Variants in RTL9 observed in about 807,000 individuals in gnomAD.
RTL9 encodes the protein retrotransposon Gag-like protein 9.
In RTL9, 19 loss-of-function variants were observed where a neutral mutation model predicts 44.7. That is an observed-to-expected ratio of 0.42 (90% confidence interval 0.30 to 0.62). The LOEUF is 0.62. Among genes scored for constraint, RTL9 ranks in the 20% least tolerant of loss-of-function variants. RTL9 has a pLI of 0.16. For synonymous variants in RTL9, 407 were observed against 398.9 expected, an observed-to-expected ratio of 1.02 and a Z score of -0.24; for missense variants, 1,105 against 1,080.6, an observed-to-expected ratio of 1.02 and a Z score of -0.32.
intron 1 of RTL9, among the ~76,000 whole-genome samples, chrX:110,396,440 C>T (rs1569421669): frequency 9.0e-6 from 1 of 111,441 alleles, no homozygotes; most frequent in Admixed American, 9.5e-5. Flanking sequence ...ATTATTATCC[C>T]CCCCATCGCC....
rs768421480 is a variant in RTL9 at position 110,439,521 on chromosome X, C to A, written c.-167-5632C>A. Among the ~76,000 whole-genome samples the A allele has an allele frequency of 7.1e-5, 8 of 112,090 alleles. No homozygotes were observed. The South Asian group carries it at 3.0e-3, about 42-fold the overall frequency. On this transcript the variant is annotated intron_variant, in intron 1 of 3. Coordinates refer to the RTL9 transcript ENST00000465301. ...TGGAGAAGCCAGCAGGGGCTGTGCT[C>A]ACAATAATAGCTGTGGTTGCATTTA...
chrX:110,414,593 C>T (rs757173227), upstream of RTL9, among the ~76,000 whole-genome samples: 1 of 113,111 alleles, frequency 8.8e-6, no homozygotes, highest in Non-Finnish European at 1.9e-5. Flanking sequence ...TTAAGTCACT[C>T]ACTAACGTGA....
rs1030451271 is a variant in RTL9, at chrX:110,361,146, C to G, written c.-168+2230C>G. Among the ~76,000 whole-genome samples the G allele has an allele frequency of 3.6e-5, 4 of 111,070 alleles. No homozygotes were observed. The East Asian group carries it at 1.1e-3, about 31-fold the overall frequency. The stretch of plus-strand genomic sequence containing the variant: ...AAACCTGCTGCACTCACAAAACCTG[C>G]TCCTCACAGTCTTCCCCGTCTCCCT... On this transcript the variant is annotated intron_variant, in intron 1 of 2. Transcript: ENST00000520821.
chrX:110,450,294 A>T (rs1386716616), upstream of RTL9, among the ~76,000 whole-genome samples: 1 of 111,344 alleles, frequency 9.0e-6, no homozygotes, highest in Non-Finnish European at 1.9e-5. Context: ...TTGAGTCAGG[A>T]CTGCCCAGGC....
chrX:110,431,952 A>T (rs1005986507), intron 1 of RTL9, among the ~76,000 whole-genome samples: 4 of 112,120 alleles, frequency 3.6e-5, no homozygotes, highest in Admixed American at 2.8e-4. Flanking sequence ...AGCAGAGGAA[A>T]GGGCTCATGG....
intron 1 of RTL9, among the ~76,000 whole-genome samples, chrX:110,438,053 T>A (rs2068852035): frequency 9.0e-6 from 1 of 111,666 alleles, no homozygotes; most frequent in Admixed American, 9.5e-5. Flanking sequence ...AAGAATAGAA[T>A]CTTCCCTTTC....
At chrX:110,389,267 A>G (rs746833186) in intron 1 of RTL9, among the ~76,000 whole-genome samples, 1 of 112,776 alleles carries the variant, frequency 8.9e-6, no homozygotes, top group African/African-American at 3.2e-5. Context: ...TTGACCAAAG[A>G]TCCTTCGTTA....
chrX:110,451,714 C>G (rs767811139), exon 1 of RTL9: 24 of 1,209,724 alleles, frequency 2.0e-5, no homozygotes, highest in Non-Finnish European at 2.7e-5. Flanking sequence ...ACGATGCCAG[C>G]CCCAGGCTCT....
chrX:110,437,350 C>G (rs1177944215), intron 1 of RTL9, among the ~76,000 whole-genome samples: 1 of 112,246 alleles, frequency 8.9e-6, no homozygotes, highest in African/African-American at 3.2e-5. Flanking sequence ...TTGTACTGGA[C>G]ACTGTACTGG....
intron 1 of RTL9, among the ~76,000 whole-genome samples, chrX:110,366,080 T>C (rs1276415140): frequency 2.7e-5 from 3 of 111,631 alleles, no homozygotes; most frequent in Non-Finnish European, 5.6e-5. Context: ...CATGTGTTGG[T>C]TCCTGCCATG....
At chrX:110,452,333 T>C in exon 1 of RTL9, 1 of 1,212,011 alleles carries the variant, frequency 8.3e-7, no homozygotes, top group Non-Finnish European at 1.1e-6. Context: ...CCATGACTTC[T>C]GGAGCAATGT....
intron 1 of RTL9, among the ~76,000 whole-genome samples, chrX:110,402,480 A>G (rs1431130606): frequency 8.9e-6 from 1 of 112,798 alleles, no homozygotes; most frequent in Non-Finnish European, 1.9e-5. Flanking sequence ...TCCCCACGGA[A>G]GAGGAAGGCT....
intron 1 of RTL9, among the ~76,000 whole-genome samples, chrX:110,363,829 C>T (rs957355263): frequency 9.0e-6 from 1 of 111,577 alleles, no homozygotes; most frequent in South Asian, 3.8e-4. Flanking sequence ...AAACACTTTA[C>T]ATAAATTATC....
At chrX:110,373,678 T>C (rs1371232506) in intron 1 of RTL9, among the ~76,000 whole-genome samples, 1 of 112,492 alleles carries the variant, frequency 8.9e-6, no homozygotes, top group African/African-American at 3.2e-5. Context: ...TTTCTCATCT[T>C]TTTGTAGCCC....
At chrX:110,418,254 A>AT (rs1314082077), upstream of RTL9, among the ~76,000 whole-genome samples, 7 of 112,253 alleles carry the variant, frequency 6.2e-5, no homozygotes, top group Non-Finnish European at 1.3e-4. Flanking sequence ...TGAGGTTCTT[A>AT]TTTTTTTAAT....
exon 1 of RTL9, chrX:110,450,943 A>G: frequency 1.7e-6 from 2 of 1,211,193 alleles, no homozygotes; most frequent in Non-Finnish European, 2.2e-6. Context: ...CCAGCCTCAG[A>G]CTCTGGGGCA....
At position 110,387,046 on chromosome X, in the gene RTL9, G is replaced by A. The variant is rs759932491; in HGVS notation, c.-168+28130G>A. Among the ~76,000 whole-genome samples the A allele has an allele frequency of 7.1e-5, 8 of 112,495 alleles. No homozygotes were observed. The East Asian group carries it at 1.1e-3, about 16-fold the overall frequency. On this transcript the variant is annotated intron_variant, in intron 1 of 2. Transcript: ENST00000520821. ...GAGGGAGAAAGCACTTGGGGCTGAG[G>A]TGGTCAGGGGAAGCTTTAAGGAGAA...
At chrX:110,452,432 A>G (rs764052989) in exon 1 of RTL9, 3 of 1,209,839 alleles carry the variant, frequency 2.5e-6, no homozygotes, top group African/African-American at 1.8e-5. Context: ...CCTGTCCACA[A>G]ATGAGATCTC....
In RTL9 at chrX:110,405,099, C is replaced by CG. The variant is rs1284580222; in HGVS notation, c.-167-40054_-167-40053insG. Among the ~76,000 whole-genome samples, 5 of 101,268 alleles carry CG rather than the reference C, an allele frequency of 4.9e-5. No homozygotes were observed. In the East Asian group the frequency reaches 9.6e-4, roughly 20 times the overall value. 87.9% of individuals were successfully genotyped at this position (101,268 alleles called of 115,157 possible). A position where few individuals can be genotyped will look rare whatever the true frequency, so the allele number is the denominator to read the frequency against. ...GTGTGCTTGTTGTGTCCCCCCCCCC[C>CG]CCAAGCATGAGTCAGAGCCTTTCAT... On this transcript the variant is annotated intron_variant, in intron 1 of 2. Coordinates refer to the RTL9 transcript ENST00000520821.
Sources: allele counts gnomAD v4.1 joint callset (sites outside exome capture counted in the v4.1 genomes callset), GRCh38; gene constraint gnomAD v4.1.1; transcripts MANE v1.5; gene names NCBI Gene and HGNC (gene_info 2026-07-23, HGNC 2026-07-21).